The following TATDN1 variants were observed in gnomAD, a reference collection of about 807,000 sequenced individuals.
TATDN1 encodes the protein deoxyribonuclease TATDN1.
TATDN1 carries 40 observed loss-of-function variants against 46.4 expected under a neutral mutation model. That is an observed-to-expected ratio of 0.86 (90% CI 0.67 to 1.12). TATDN1 has a LOEUF of 1.12. TATDN1 is among the 50% of genes most tolerant of loss of function. TATDN1 has a pLI of 0.00. For missense variants in TATDN1, 326 were observed against 348.4 expected, an observed-to-expected ratio of 0.94 and a Z score of 0.51; for synonymous variants, 95 against 105.6, an observed-to-expected ratio of 0.90 and a Z score of 0.62.
intron 3 of TATDN1, among the ~76,000 whole-genome samples, chr8:124,520,519 T>C (rs1819938932): frequency 6.6e-6 from 1 of 152,068 alleles, no homozygotes; most frequent in Admixed American, 6.6e-5. Context: ...CTAGAACAGA[T>C]GCCTACATCC....
chr8:124,535,413 C>T (rs4269525), intron 1 of TATDN1, among the ~76,000 whole-genome samples: 77,624 of 151,964 alleles, frequency 0.51, 20,267 homozygotes, highest in African/African-American at 0.61. Flanking sequence ...GCACTTGATT[C>T]AAAAATTTAA....
chr8:124,501,265 G>A (rs1817939278), intron 9 of TATDN1, among the ~76,000 whole-genome samples: 1 of 152,168 alleles, frequency 6.6e-6, no homozygotes, highest in Admixed American at 6.5e-5. Context: ...TTTTCCAGCA[G>A]AGAACACAGG....
intron 8 of TATDN1, 61 bp from the exon 9 acceptor site, chr8:124,504,408 C>CATTAA: frequency 4.0e-6 from 5 of 1,241,034 alleles, no homozygotes; most frequent in Non-Finnish European, 5.5e-6. Flanking sequence ...TTCTAAGTGA[C>CATTAA]ATTAATAAGA....
chr8:124,538,058 T>C (rs1821632849), intron 1 of TATDN1, among the ~76,000 whole-genome samples: 2 of 152,186 alleles, frequency 1.3e-5, no homozygotes, highest in East Asian at 1.9e-4. Context: ...GGATGTCCTA[T>C]AATTATCTCA....
chr8:124,522,568 C>A (rs761557283), intron 2 of TATDN1, among the ~76,000 whole-genome samples: 3 of 151,972 alleles, frequency 2.0e-5, no homozygotes, highest in Non-Finnish European at 4.4e-5. Context: ...AGGTGCATGT[C>A]ACCATGCCCA....
At chr8:124,489,698 GCCA>G in intron 11 of TATDN1, 1 of 152,414 alleles carries the variant, frequency 6.6e-6, no homozygotes, top group South Asian at 2.1e-4. Flanking sequence ...ACAGGTGTGA[GCCA>G]CCGCGCCTGG....
Position 124,539,054 on chromosome 8 carries a change from C to T in TATDN1, c.-8G>A, listed in dbSNP as rs144730785. ...AAACTTGAAGCGACTCATGACTGCG[C>T]ATGGAGGACCTCCCCAGCGGAAGCG... is the stretch of plus-strand genomic sequence containing the variant. On this transcript the variant is annotated 5_prime_UTR_variant, in exon 1 of 12. An upstream start codon of the reference 5' UTR is lost. Transcript: ENST00000276692. The T allele has an allele frequency of 9.1e-3, 14,651 of 1,613,148 alleles. 178 individuals carry two copies. Among genetic ancestry groups the T allele is most frequent in the South Asian group, 0.037 (3,351 of 91,074 alleles).
chr8:124,538,939 G>A lies in TATDN1; in HGVS notation c.22+86C>T, dbSNP rs191779806. 12,391 of 1,539,484 alleles carry A rather than the reference G, an allele frequency of 8.0e-3. 134 individuals carry two copies. Among genetic ancestry groups the A allele is most frequent in the South Asian group, 0.034 (2,987 of 88,626 alleles). On this transcript the variant is annotated intron_variant, in intron 1 of 11. Transcript: ENST00000276692. ...CTTTCAACCCTTACAATGCCGGAGGGCGCAATTCCTGGGTCCTGTGACCTT... is the reference window on the plus strand; with the variant it reads ...CTTTCAACCCTTACAATGCCGGAGGACGCAATTCCTGGGTCCTGTGACCTT...
chr8:124,534,182 A>C (rs1821234859), intron 1 of TATDN1, among the ~76,000 whole-genome samples: 1 of 148,708 alleles, frequency 6.7e-6, no homozygotes, highest in East Asian at 2.0e-4. Flanking sequence ...AAAAAAAAGA[A>C]ATGCGCTAGA....
At chr8:124,516,160 A>C in intron 4 of TATDN1, 130 bp from the exon 5 acceptor site, 2 of 728,252 alleles carry the variant, frequency 2.7e-6, no homozygotes, top group Admixed American at 3.5e-5. Flanking sequence ...TCAAATTATA[A>C]GAACTGCATT....
chr8:124,531,695 T>A (rs12544621), intron 1 of TATDN1, among the ~76,000 whole-genome samples: 23,315 of 152,118 alleles, frequency 0.15, 2,261 homozygotes, highest in Admixed American at 0.24. Context: ...AGTTGTCACA[T>A]GGTTAAGGGA....
At chr8:124,524,574 T>C (rs193072877) in intron 1 of TATDN1, among the ~76,000 whole-genome samples, 4 of 152,236 alleles carry the variant, frequency 2.6e-5, no homozygotes, top group African/African-American at 9.6e-5. Flanking sequence ...AAAACAGAAA[T>C]GGTCTGTATC....
At chr8:124,499,810 C>T (rs1207889375) in intron 9 of TATDN1, among the ~76,000 whole-genome samples, 4 of 151,746 alleles carry the variant, frequency 2.6e-5, no homozygotes, top group Non-Finnish European at 4.4e-5. Flanking sequence ...TCCCAAAGTG[C>T]TGGGATTACA....
chr8:124,495,631 C>G (rs1467658846), intron 9 of TATDN1, 89 bp from the exon 10 acceptor site: 1 of 949,618 alleles, frequency 1.1e-6, no homozygotes, highest in Non-Finnish European at 1.6e-6. Flanking sequence ...GCTACAAAAC[C>G]AACCCAAAAC....
chr8:124,528,558 C>T (rs1334899194), intron 1 of TATDN1, among the ~76,000 whole-genome samples: 2 of 152,084 alleles, frequency 1.3e-5, no homozygotes, highest in Non-Finnish European at 2.9e-5. Context: ...AGAAAATCTA[C>T]GGCAACTTTA....
chr8:124,536,894 T>C (rs942315851), intron 1 of TATDN1, among the ~76,000 whole-genome samples: 3 of 152,028 alleles, frequency 2.0e-5, no homozygotes, highest in Non-Finnish European at 2.9e-5. Context: ...ATCTCATTTC[T>C]GTTTCAAAAG....
chr8:124,504,377 T>A (rs1818224510), intron 8 of TATDN1, 30 bp from the exon 9 acceptor site: 1 of 1,420,138 alleles, frequency 7.0e-7, no homozygotes, highest in East Asian at 2.4e-5. Flanking sequence ...AGTTTATTAT[T>A]ATAATAATTA....
chr8:124,507,279 A>G (rs1006039367), intron 8 of TATDN1, among the ~76,000 whole-genome samples: 1 of 152,230 alleles, frequency 6.6e-6, no homozygotes, highest in African/African-American at 2.4e-5. Context: ...TTTAGTGCAG[A>G]ATGCAAATTA....
intron 9 of TATDN1, 104 bp downstream of exon 9, chr8:124,504,167 C>A: frequency 1.1e-6 from 1 of 877,764 alleles, no homozygotes; most frequent in Non-Finnish European, 1.8e-6. Flanking sequence ...TGCAAACACA[C>A]ACAAACTTTA....
Sources: allele counts gnomAD v4.1 joint callset (sites outside exome capture counted in the v4.1 genomes callset), GRCh38; gene constraint gnomAD v4.1.1; transcripts MANE v1.5; gene names NCBI Gene and HGNC (gene_info 2026-07-23, HGNC 2026-07-21).